Variants in CCDC169 observed in about 807,000 individuals in gnomAD.
CCDC169 encodes coiled-coil domain-containing protein 169.
In CCDC169, 30 loss-of-function variants were observed where a neutral mutation model predicts 36.0. That is an observed-to-expected ratio of 0.83 (90% CI 0.62 to 1.13). CCDC169 has a LOEUF of 1.13. CCDC169 is among the 50% of genes most tolerant of loss of function. The pLI, the probability that CCDC169 is intolerant of heterozygous loss-of-function variation, is 0.00. For missense variants in CCDC169, 245 were observed against 245.9 expected (o/e 1.00, Z 0.03); for synonymous variants, 85 against 81.5 (o/e 1.04, Z -0.23).
At chr13:36,246,145 A>T (rs1389484011) in intron 7 of CCDC169, among the ~76,000 whole-genome samples, 1 of 152,202 alleles carries the variant, frequency 6.6e-6, no homozygotes, top group Admixed American at 6.5e-5. Flanking sequence ...GCCAATTAAT[A>T]ACCCTACTAT....
At chr13:36,261,346 T>C (rs1353774352) in intron 4 of CCDC169, among the ~76,000 whole-genome samples, 1 of 152,122 alleles carries the variant, frequency 6.6e-6, no homozygotes, top group East Asian at 1.9e-4. Flanking sequence ...TAAGCCCCTG[T>C]TACTGTGCCA....
chr13:36,228,354 T>G (rs1870070655), downstream of CCDC169, among the ~76,000 whole-genome samples: 1 of 152,180 alleles, frequency 6.6e-6, no homozygotes, highest in African/African-American at 2.4e-5. Context: ...TGGCAATATT[T>G]GTTTTTAAAA....
chr13:36,224,997 C>T (rs1054031242), downstream of CCDC169: 11 of 152,130 alleles, frequency 7.2e-5, no homozygotes, highest in African/African-American at 2.7e-4. Context: ...CACATACCTA[C>T]AGCCATCTGA....
At chr13:36,274,965 T>G (rs984636655) in intron 4 of CCDC169, among the ~76,000 whole-genome samples, 1 of 145,770 alleles carries the variant, frequency 6.9e-6, no homozygotes, top group Admixed American at 7.2e-5. Context: ...GCCTGCCAGG[T>G]TCACACCATT....
chr13:36,260,493 T>C (rs1325726845), intron 4 of CCDC169, among the ~76,000 whole-genome samples: 2 of 152,170 alleles, frequency 1.3e-5, no homozygotes, highest in East Asian at 3.9e-4. Flanking sequence ...ACCATATATA[T>C]ACATGATTAT....
chr13:36,276,700 T>A (rs999656561), intron 4 of CCDC169, among the ~76,000 whole-genome samples: 35 of 152,216 alleles, frequency 2.3e-4, no homozygotes, highest in African/African-American at 7.2e-4. Context: ...ATCACTTTTA[T>A]GACTCTGAAT....
intron 4 of CCDC169, among the ~76,000 whole-genome samples, chr13:36,279,110 A>C (rs1877196517): frequency 6.6e-6 from 1 of 151,624 alleles, no homozygotes; most frequent in African/African-American, 2.4e-5. Context: ...GCTAAAAAAA[A>C]ACCCACCTTC....
chr13:36,267,218 T>C (rs1216765850), intron 4 of CCDC169: 1 of 152,146 alleles, frequency 6.6e-6, no homozygotes, highest in Non-Finnish European at 1.5e-5. Context: ...ACAGAGAAGA[T>C]TAGCATAGTC....
At chr13:36,269,895 A>G (rs1393348166) in intron 4 of CCDC169, among the ~76,000 whole-genome samples, 2 of 152,088 alleles carry the variant, frequency 1.3e-5, no homozygotes, top group Non-Finnish European at 2.9e-5. Context: ...CACCACTCCT[A>G]TTGAATATAG....
intron 6 of CCDC169, among the ~76,000 whole-genome samples, chr13:36,252,430 A>G (rs1332064685): frequency 6.6e-6 from 1 of 152,202 alleles, no homozygotes; most frequent in Non-Finnish European, 1.5e-5. Flanking sequence ...TCTAATCCCC[A>G]AACCTAATGC....
chr13:36,269,506 T>C (rs942168169), intron 4 of CCDC169, among the ~76,000 whole-genome samples: 7 of 152,254 alleles, frequency 4.6e-5, no homozygotes, highest in Non-Finnish European at 1.0e-4. Context: ...CTGATGAACA[T>C]AGAGGCAGAA....
chr13:36,229,901 A>G (rs1870233858), downstream of CCDC169, among the ~76,000 whole-genome samples: 1 of 152,188 alleles, frequency 6.6e-6, no homozygotes, highest in African/African-American at 2.4e-5. Flanking sequence ...GGTATAAGAC[A>G]TAAAAATCTA....
intron 2 of CCDC169, among the ~76,000 whole-genome samples, chr13:36,285,141 A>C (rs1052640345): frequency 4.6e-5 from 7 of 152,352 alleles, no homozygotes; most frequent in Non-Finnish European, 1.0e-4. Flanking sequence ...GTTACCAAAA[A>C]ATTAAAAATG....
chr13:36,234,039 G>A (rs577610916), intron 7 of CCDC169, among the ~76,000 whole-genome samples: 1 of 152,192 alleles, frequency 6.6e-6, no homozygotes, highest in South Asian at 2.1e-4. Flanking sequence ...CTCTGAGGGT[G>A]GCTTCATCTA....
rs549305792 is a variant in CCDC169 at position 36,284,386 on chromosome 13, C to T, written c.164-684G>A. ...ACCTATTTTACAAAGATGAGGAAAC[C>T]AAGGCTCAAAGATGTCAATGTCAAA... On this transcript the variant is annotated intron_variant, in intron 2 of 7. Coordinates refer to ENST00000239859, the MANE Select transcript of CCDC169 (RefSeq NM_001144981.3). Among the ~76,000 whole-genome samples, 4 of 145,084 alleles carry T rather than the reference C, an allele frequency of 2.8e-5. No individual in the cohort carries two copies. The East Asian group carries it at 9.3e-4, about 34-fold the overall frequency.
At chr13:36,225,513 C>T (rs1869829445), downstream of CCDC169, 1 of 152,186 alleles carries the variant, frequency 6.6e-6, no homozygotes, top group South Asian at 2.1e-4. Context: ...CCCCTGGAAA[C>T]ACCATTCTGG....
chr13:36,247,709 A>C (rs1872673529), intron 7 of CCDC169, among the ~76,000 whole-genome samples: 1 of 152,196 alleles, frequency 6.6e-6, no homozygotes, highest in Admixed American at 6.5e-5. Flanking sequence ...CAGATGAGCA[A>C]AGAAAGTGGT....
intron 7 of CCDC169, among the ~76,000 whole-genome samples, chr13:36,232,694 G>C (rs557954924): frequency 1.6e-5 from 1 of 63,512 alleles, no homozygotes. Flanking sequence ...CGGCCTGGGC[G>C]ACAGAGCGAG....
intron 4 of CCDC169, among the ~76,000 whole-genome samples, chr13:36,273,453 A>T (rs1876365488): frequency 6.6e-6 from 1 of 151,906 alleles, no homozygotes; most frequent in African/African-American, 2.4e-5. Flanking sequence ...TAATAGTTAT[A>T]AAAAAAATAT....
Sources: gnomAD v4.1 joint callset for allele counts (sites outside exome capture counted in the v4.1 genomes callset) on GRCh38, gnomAD v4.1.1 for gene constraint, MANE v1.5 for transcripts, NCBI Gene and HGNC (gene_info 2026-07-23, HGNC 2026-07-21) for gene names.